The following MSI2 variants were observed in gnomAD, a reference collection of about 807,000 sequenced individuals.
The protein encoded by MSI2 is RNA-binding protein Musashi homolog 2.
A neutral mutation model predicts 45.6 loss-of-function variants in MSI2; 17 were observed. That is an observed-to-expected ratio of 0.37 (90% confidence interval 0.26 to 0.56). The LOEUF (loss-of-function observed/expected upper bound fraction) is 0.56. MSI2 is among the 20% of genes least tolerant of loss of function. MSI2 has a pLI of 0.77. For missense variants in MSI2, 293 were observed against 444.2 expected (o/e 0.66, Z 3.06); for synonymous variants, 156 against 158.2 (o/e 0.99, Z 0.11).
rs78426085 is a variant in MSI2, at chr17:57,666,703, T to C, written c.791-8269T>C. Among the ~76,000 whole-genome samples the C allele has an allele frequency of 4.5e-3, 687 of 152,300 alleles. 2 individuals are homozygous for C. The highest frequency in any genetic ancestry group is 0.014 in the African/African-American group (592 of 41,560). ...GGCCTGCAGTGAGTGCAATCACTTA[T>C]AAGACACAAGCAAGGATCTGAGCCT... is the stretch of plus-strand genomic sequence containing the variant. On this transcript the variant is annotated intron_variant, in intron 11 of 13. Coordinates refer to ENST00000284073, the MANE Select transcript of MSI2 (RefSeq NM_138962.4).
chr17:57,557,237 C>G (rs1160392915), intron 7 of MSI2, among the ~76,000 whole-genome samples: 1 of 152,208 alleles, frequency 6.6e-6, no homozygotes, highest in Non-Finnish European at 1.5e-5. Context: ...TCATAGGCAA[C>G]CAGATGGGAG....
chr17:57,687,607 G>A (rs1913910447), downstream of MSI2, among the ~76,000 whole-genome samples: 1 of 151,972 alleles, frequency 6.6e-6, no homozygotes, highest in Non-Finnish European at 1.5e-5. Flanking sequence ...GATAAATAAA[G>A]ATATAATACT....
At chr17:57,293,112 TAA>T (rs377673393) in intron 5 of MSI2, among the ~76,000 whole-genome samples, 9 of 144,228 alleles carry the variant, frequency 6.2e-5, no homozygotes, top group Admixed American at 1.4e-4. Flanking sequence ...TCATTAAGGT[TAA>T]AAAAAAAAAA....
At position 57,632,085 on chromosome 17, in the gene MSI2, C is replaced by T. The variant is rs139515721; in HGVS notation, c.727+4782C>T. 573 of 1,285,508 alleles carry T rather than the reference C, an allele frequency of 4.5e-4. 8 individuals are homozygous for T. In the East Asian group the frequency reaches 0.015, roughly 34 times the overall value. The allele number at this position is 1,285,508 out of a possible 1,614,324, so 79.6% of individuals were successfully genotyped here. On this transcript the variant is annotated intron_variant, in intron 10 of 13. Transcript: ENST00000284073. ...GTATGCATTGTGACCGACCCCACTT[C>T]CTCAGAATGTAACGGGGCCAGAGGG...
At chr17:57,257,323 C>A in intron 2 of MSI2, 143 bp from the exon 3 acceptor site, 2 of 595,084 alleles carry the variant, frequency 3.4e-6, no homozygotes, top group South Asian at 2.3e-5. Flanking sequence ...GCCGAATTTC[C>A]CCCGCGTGTG....
chr17:57,697,850 G>A, the MSI2 span, among the ~76,000 whole-genome samples: 1 of 152,128 alleles, frequency 6.6e-6, no homozygotes, highest in Non-Finnish European at 1.5e-5. Flanking sequence ...CCAACAACAC[G>A]TGGGAATTAT....
At chr17:57,678,485 C>T (rs1913390613) in intron 13 of MSI2, among the ~76,000 whole-genome samples, 1 of 152,306 alleles carries the variant, frequency 6.6e-6, no homozygotes, top group East Asian at 1.9e-4. Flanking sequence ...GAAGATGGCT[C>T]CAGCCCTTTG....
At chr17:57,606,972 T>G (rs1051843746) in intron 8 of MSI2, among the ~76,000 whole-genome samples, 1 of 152,074 alleles carries the variant, frequency 6.6e-6, no homozygotes, top group Non-Finnish European at 1.5e-5. Flanking sequence ...GATTGGATTC[T>G]GACTGTGCTT....
intron 6 of MSI2, among the ~76,000 whole-genome samples, chr17:57,526,200 G>T (rs1192368542): frequency 6.6e-6 from 1 of 152,096 alleles, no homozygotes; most frequent in Admixed American, 6.5e-5. Context: ...ACTCCAGCCT[G>T]GGTGACAGAA....
At chr17:57,371,432 C>G (rs1372718615) in intron 5 of MSI2, among the ~76,000 whole-genome samples, 1 of 151,910 alleles carries the variant, frequency 6.6e-6, no homozygotes, top group Non-Finnish European at 1.5e-5. Flanking sequence ...TAAAAATCCC[C>G]CCAACGCCAC....
chr17:57,445,480 C>A (rs1252572335), intron 6 of MSI2, among the ~76,000 whole-genome samples: 1 of 151,716 alleles, frequency 6.6e-6, no homozygotes, highest in Non-Finnish European at 1.5e-5. Flanking sequence ...ATCCTCAGCA[C>A]CTTTGGGGTC....
intron 7 of MSI2, among the ~76,000 whole-genome samples, chr17:57,557,005 C>A (rs1170928653): frequency 6.6e-6 from 1 of 152,098 alleles, no homozygotes; most frequent in Non-Finnish European, 1.5e-5. Context: ...TTGGCTGAGG[C>A]CTGAAATGGA....
intron 10 of MSI2, among the ~76,000 whole-genome samples, chr17:57,642,287 T>C (rs1352226267): frequency 6.6e-6 from 1 of 152,190 alleles, no homozygotes; most frequent in Non-Finnish European, 1.5e-5. Context: ...AATACCTCCA[T>C]TTTCTTTCTC....
chr17:57,654,258 A>C (rs1484040559), intron 11 of MSI2, among the ~76,000 whole-genome samples: 1 of 152,222 alleles, frequency 6.6e-6, no homozygotes, highest in Non-Finnish European at 1.5e-5. Context: ...TGTATCCACC[A>C]TAGTGAGAGC....
downstream of MSI2, among the ~76,000 whole-genome samples, chr17:57,686,502 C>T (rs1003788818): frequency 3.3e-5 from 5 of 152,116 alleles, no homozygotes; most frequent in Admixed American, 2.0e-4. Context: ...AAACAAAACC[C>T]GGTTACGTGC....
rs542849675 is a variant in MSI2, at chr17:57,494,860, G to A, written c.406-34816G>A. Among the ~76,000 whole-genome samples the A allele has an allele frequency of 7.2e-5, 11 of 152,150 alleles. No homozygotes were observed. The East Asian group carries it at 1.7e-3, about 24-fold the overall frequency. ...ATAAATCAGTGAACAGAACAGAAAC[G>A]AATCCCGGTCATGACAGAACTCAAC... is the stretch of plus-strand genomic sequence containing the variant. On this transcript the variant is annotated intron_variant, in intron 6 of 13. Transcript: ENST00000284073.
At chr17:57,633,776 T>G (rs1909616614) in intron 10 of MSI2, among the ~76,000 whole-genome samples, 2 of 152,206 alleles carry the variant, frequency 1.3e-5, no homozygotes, top group African/African-American at 4.8e-5. Flanking sequence ...AGGGATAACA[T>G]GTGCATGAAT....
chr17:57,534,125 G>T (rs1409162268), intron 7 of MSI2, among the ~76,000 whole-genome samples: 1 of 152,228 alleles, frequency 6.6e-6, no homozygotes, highest in East Asian at 1.9e-4. Context: ...TAGGTGAACC[G>T]AGCTGCCCAG....
intron 6 of MSI2, among the ~76,000 whole-genome samples, chr17:57,527,332 G>C (rs1215726677): frequency 7.2e-6 from 1 of 139,424 alleles, no homozygotes; most frequent in Non-Finnish European, 1.6e-5. Flanking sequence ...TCTGAGATAT[G>C]CTCATATCAC....
Sources: gnomAD v4.1 joint callset for allele counts (sites outside exome capture counted in the v4.1 genomes callset) on GRCh38, gnomAD v4.1.1 for gene constraint, MANE v1.5 for transcripts, NCBI Gene and HGNC (gene_info 2026-07-23, HGNC 2026-07-21) for gene names.